Variants in TNFSF13B observed in about 807,000 individuals in gnomAD.
The protein encoded by TNFSF13B is tumor necrosis factor ligand superfamily member 13B.
A neutral mutation model predicts 29.1 loss-of-function variants in TNFSF13B; 8 were observed. The observed-to-expected ratio is 0.27, with a 90% CI of 0.16 to 0.50. TNFSF13B has a LOEUF of 0.50. Ranked by LOEUF, TNFSF13B falls within the 20% of genes least tolerant of loss-of-function variation. The probability of loss-of-function intolerance (pLI) is 0.98; values close to 1 mark genes in which losing one functional copy is unlikely to be tolerated. For missense variants in TNFSF13B, 248 were observed against 334.9 expected (o/e 0.74, Z 2.03); for synonymous variants, 125 against 130.8 (o/e 0.96, Z 0.30).
chr13:108,284,631 A>T (rs1881070745), intron 2 of TNFSF13B, among the ~76,000 whole-genome samples: 1 of 152,124 alleles, frequency 6.6e-6, no homozygotes, highest in African/African-American at 2.4e-5. Flanking sequence ...TGTGTCATTT[A>T]CTCTTTACAA....
At chr13:108,304,585 T>G (rs1881719000) in intron 5 of TNFSF13B, among the ~76,000 whole-genome samples, 1 of 152,176 alleles carries the variant, frequency 6.6e-6, no homozygotes, top group Non-Finnish European at 1.5e-5. Flanking sequence ...AATATTTACC[T>G]TAAACACATT....
At chr13:108,303,939 C>T (rs1205329153) in intron 5 of TNFSF13B, among the ~76,000 whole-genome samples, 1 of 152,154 alleles carries the variant, frequency 6.6e-6, no homozygotes, top group African/African-American at 2.4e-5. Context: ...GTATTTTCTT[C>T]AACACTTAAT....
chr13:108,288,579 A>C (rs185841464), intron 3 of TNFSF13B, among the ~76,000 whole-genome samples: 4 of 152,348 alleles, frequency 2.6e-5, no homozygotes, highest in Admixed American at 6.5e-5. Context: ...GGAATGAAGT[A>C]TGATTTCTCC....
In TNFSF13B at chr13:108,308,464, A is replaced by T. The variant is rs1881839208; in HGVS notation, c.*1526A>T. Reference sequence around the variant, plus strand: ...CTAATGTGGATTAACAAATAAAAACATTCATTGCCTTTTGCCTCATTGTCT... The same window carrying T: ...CTAATGTGGATTAACAAATAAAAACTTTCATTGCCTTTTGCCTCATTGTCT... On this transcript the variant is annotated 3_prime_UTR_variant, in exon 6 of 6. Transcript: ENST00000375887. 1 of 152,126 alleles carries T rather than the reference A, an allele frequency of 6.6e-6. No homozygotes were observed. Among genetic ancestry groups the T allele is most frequent in the Non-Finnish European group, 1.5e-5 (1 of 68,000 alleles). The allele number at this position is 152,126 out of a possible 1,614,324, so 9.4% of individuals were successfully genotyped here. A position where few individuals can be genotyped will look rare whatever the true frequency, so the allele number is the denominator to read the frequency against.
chr13:108,302,892 T>C (rs746862572), intron 3 of TNFSF13B: 6 of 985,670 alleles, frequency 6.1e-6, no homozygotes, highest in Non-Finnish European at 7.2e-6. Context: ...AAATCTCTAC[T>C]AGTGTGTTAT....
At chr13:108,291,134 C>T (rs191093498) in intron 3 of TNFSF13B, among the ~76,000 whole-genome samples, 15 of 151,838 alleles carry the variant, frequency 9.9e-5, no homozygotes, top group African/African-American at 3.4e-4. Context: ...AATAAAATGG[C>T]ATTTTGGTTA....
At chr13:108,271,328 AC>A (rs1566396105) in intron 2 of TNFSF13B, among the ~76,000 whole-genome samples, 1 of 152,116 alleles carries the variant, frequency 6.6e-6, no homozygotes, top group Non-Finnish European at 1.5e-5. Context: ...ATTTCGTTTA[AC>A]CTTCACAGTG....
At chr13:108,305,803 A>G (rs1216853351) in intron 5 of TNFSF13B, among the ~76,000 whole-genome samples, 1 of 152,146 alleles carries the variant, frequency 6.6e-6, no homozygotes, top group East Asian at 1.9e-4. Context: ...TGGCTGGTAC[A>G]TAGTAAATGT....
At chr13:108,302,336 C>G (rs1881649230) in intron 3 of TNFSF13B, among the ~76,000 whole-genome samples, 2 of 152,154 alleles carry the variant, frequency 1.3e-5, no homozygotes, top group Non-Finnish European at 1.5e-5. Flanking sequence ...GTCCCTCAAT[C>G]TTCTTTTTAT....
intron 2 of TNFSF13B, among the ~76,000 whole-genome samples, chr13:108,280,911 C>T (rs1339601963): frequency 7.2e-5 from 11 of 151,956 alleles, no homozygotes; most frequent in South Asian, 2.1e-4. Context: ...TGAGGCCGGG[C>T]GTGGTACCTC....
intron 5 of TNFSF13B, among the ~76,000 whole-genome samples, chr13:108,306,475 A>T (rs1435041059): frequency 2.0e-5 from 3 of 151,966 alleles, no homozygotes; most frequent in African/African-American, 7.2e-5. Context: ...TTTCCCTGTC[A>T]ACAAAATTAA....
At position 108,270,040 on chromosome 13, in the gene TNFSF13B, G is replaced by T; in HGVS notation, c.145G>T (p.Ala49Ser). Residue 49 changes from alanine (A) to serine (S), a missense_variant, in exon 1 of 6, where the codon GCT becomes TCT. Ala to Ser is a moderately conservative substitution (Grantham distance 99). This residue lies in a region of TNFSF13B where 186 missense variants were observed against 196.3 expected (regional missense o/e 0.95). Coordinates refer to ENST00000375887, the MANE Select transcript of TNFSF13B (RefSeq NM_006573.5). Reference sequence around the variant, plus strand: ...ATCCTCCAAAGACGGAAAGCTGCTGGCTGCAACCTTGCTGCTGGCACTGCT... The same window carrying T: ...ATCCTCCAAAGACGGAAAGCTGCTGTCTGCAACCTTGCTGCTGGCACTGCT... ...VRSSKDGKLL[A>S]ATLLLALLSC... The T allele has an allele frequency of 6.2e-7, 1 of 1,611,604 alleles. No individual in the cohort carries two copies. The highest frequency in any genetic ancestry group is 8.5e-7 in the Non-Finnish European group (1 of 1,180,006).
At position 108,270,170 on chromosome 13, in the gene TNFSF13B, C is replaced by CAGCAGG; in HGVS notation, c.285_290dup (p.Gly96_Ala97dup). The CAGCAGG allele has an allele frequency of 1.9e-6, 3 of 1,601,982 alleles. No individual in the cohort carries two copies. The highest frequency in any genetic ancestry group is 2.5e-6 in the Non-Finnish European group (3 of 1,179,544). ...CAGGGCCACCACGCGGAGAAGCTGC[C>CAGCAGG]AGCAGGAGCAGGAGCCCCCAAGGCC... On this transcript the variant is annotated inframe_insertion, in exon 1 of 6. Transcript: ENST00000375887.
intron 3 of TNFSF13B, among the ~76,000 whole-genome samples, chr13:108,287,217 A>G (rs1881168994): frequency 1.3e-5 from 2 of 152,132 alleles, no homozygotes; most frequent in African/African-American, 2.4e-5. Flanking sequence ...ACATGTATAC[A>G]TATGAAACTA....
At position 108,296,653 on chromosome 13, in the gene TNFSF13B, G is replaced by C. The variant is rs1328448096; in HGVS notation, c.482-6600G>C. 2.1e-5 allele frequency among the ~76,000 whole-genome samples: 3 copies of C among 145,626 alleles called. 1 individual carries two copies. Among genetic ancestry groups the C allele is most frequent in the Admixed American group, 6.8e-5 (1 of 14,758 alleles). On this transcript the variant is annotated intron_variant, in intron 3 of 5. Transcript: ENST00000375887. ...TAAGGAAAGAATTACTTATGTTGCTGTTTGTTCTTTTATAAGTTTTGTTCC... is the reference window on the plus strand; with the variant it reads ...TAAGGAAAGAATTACTTATGTTGCTCTTTGTTCTTTTATAAGTTTTGTTCC...
chr13:108,283,752 G>A (rs1016769845), intron 2 of TNFSF13B, among the ~76,000 whole-genome samples: 4 of 152,124 alleles, frequency 2.6e-5, no homozygotes, highest in South Asian at 2.1e-4. Flanking sequence ...TAAAGATTTC[G>A]GTATCTGATG....
At chr13:108,271,996 G>A (rs1880633441) in intron 2 of TNFSF13B, among the ~76,000 whole-genome samples, 1 of 152,014 alleles carries the variant, frequency 6.6e-6, no homozygotes, top group African/African-American at 2.4e-5. Context: ...CCTTGCTTCC[G>A]ACTGCCATAT....
chr13:108,278,915 A>C (rs1027163224), intron 2 of TNFSF13B, among the ~76,000 whole-genome samples: 2 of 152,148 alleles, frequency 1.3e-5, no homozygotes, highest in Admixed American at 6.5e-5. Context: ...TACTTACTTT[A>C]AAAATATTAT....
Position 108,273,606 on chromosome 13 carries a change from A to G in TNFSF13B, c.424+3182A>G, listed in dbSNP as rs145492593. On this transcript the variant is annotated intron_variant, in intron 2 of 5. Transcript: ENST00000375887. ...TCCTGTTGCTACTGCAGTGAGCTCA[A>G]GTGCTGTGAGTATCTGCTTAAAACA... Among the ~76,000 whole-genome samples the G allele has an allele frequency of 2.2e-3, 335 of 152,304 alleles. 1 individual carries two copies. Among genetic ancestry groups the G allele is most frequent in the African/African-American group, 7.8e-3 (325 of 41,588 alleles).
Sources: gnomAD v4.1 joint callset for allele counts (sites outside exome capture counted in the v4.1 genomes callset) on GRCh38, gnomAD v4.1.1 for gene constraint, gnomAD v4.1.1 regional missense constraint, MANE v1.5 for transcripts, NCBI Gene and HGNC (gene_info 2026-07-23, HGNC 2026-07-21) for gene names.